ATP5F1A: variants seen among roughly 807,000 people sequenced by gnomAD.
ATP5F1A encodes the protein ATP synthase F1 subunit alpha.
In ATP5F1A, 24 loss-of-function variants were observed where a neutral mutation model predicts 57.4. The ratio of observed to expected loss-of-function variants is 0.42; its 90% CI spans 0.30 to 0.59. ATP5F1A has a LOEUF of 0.59. ATP5F1A is among the 20% of genes least tolerant of loss of function. ATP5F1A has a pLI of 0.19. For missense variants in ATP5F1A, 494 were observed against 707.9 expected, an observed-to-expected ratio of 0.70 and a Z score of 3.43; for synonymous variants, 251 against 255.5, an observed-to-expected ratio of 0.98 and a Z score of 0.17.
Position 46,083,864 on chromosome 18 carries a change from T to TA in ATP5F1A, c.*417dup, listed in dbSNP as rs991076465. The TA allele has an allele frequency of 6.5e-6, 1 of 154,018 alleles. No individual in the cohort carries two copies. Among genetic ancestry groups the TA allele is most frequent in the Non-Finnish European group, 1.4e-5 (1 of 69,854 alleles). 9.5% of individuals were successfully genotyped at this position (154,018 alleles called of 1,614,324 possible). On this transcript the variant is annotated 3_prime_UTR_variant, in exon 12 of 12. Transcript: ENST00000398752. ...AGCCAGGCGTGGTGGTGGGCACCTG[T>TA]AATCCCAGCTACGTGGGAGGCTGAG...
Position 46,080,483 on chromosome 18 carries a change from G to C in ATP5F1A, c.*3799C>G, listed in dbSNP as rs1276186452. On this transcript the variant is annotated 3_prime_UTR_variant, in exon 12 of 12. Transcript: ENST00000398752. ...ATGAGGTCTCCTATGTCATTAGTCTGTAAGTACTTAGTAAAAAGCAGTATT... is the reference window on the plus strand; with the variant it reads ...ATGAGGTCTCCTATGTCATTAGTCTCTAAGTACTTAGTAAAAAGCAGTATT... The C allele has an allele frequency of 1.3e-5, 2 of 152,218 alleles. No individual in the cohort carries two copies. The highest frequency in any genetic ancestry group is 2.9e-5 in the Non-Finnish European group (2 of 68,056). The allele number at this position is 152,218 out of a possible 1,614,324, so 9.4% of individuals were successfully genotyped here.
At chr18:46,103,398 C>T (rs557617086) in intron 1 of ATP5F1A, among the ~76,000 whole-genome samples, 2 of 150,208 alleles carry the variant, frequency 1.3e-5, no homozygotes, top group South Asian at 4.2e-4. Context: ...GTCAGGAGTT[C>T]GAGACCAAGC....
At position 46,089,456 on chromosome 18, in the gene ATP5F1A, C is replaced by T. The variant is rs146513312; in HGVS notation, c.650+110G>A. On this transcript the variant is annotated intron_variant, in intron 5 of 11. Coordinates refer to ENST00000398752, the MANE Select transcript of ATP5F1A (RefSeq NM_004046.6). The stretch of plus-strand genomic sequence containing the variant: ...CAGCTGAAATTTTACTATTAATCCT[C>T]GTATTAGATTCTAATGTCCCCATTA... 116 of 1,275,730 alleles carry T rather than the reference C, an allele frequency of 9.1e-5. No individual in the cohort carries two copies. The African/African-American group carries it at 1.5e-3, about 16-fold the overall frequency. The allele number at this position is 1,275,730 out of a possible 1,614,324, so 79.0% of individuals were successfully genotyped here.
At chr18:46,093,721 A>G (rs1410584118) in intron 2 of ATP5F1A, among the ~76,000 whole-genome samples, 2 of 151,750 alleles carry the variant, frequency 1.3e-5, no homozygotes, top group African/African-American at 4.8e-5. Context: ...CCACTAGGGA[A>G]GCTGACTCAG....
intron 1 of ATP5F1A, among the ~76,000 whole-genome samples, chr18:46,103,902 A>C (rs1009452639): frequency 1.3e-5 from 2 of 151,882 alleles, no homozygotes; most frequent in Non-Finnish European, 2.9e-5. Context: ...CGACAAAGCG[A>C]GACTCTGTCT....
intron 1 of ATP5F1A, among the ~76,000 whole-genome samples, chr18:46,095,991 C>G (rs980874982): frequency 1.3e-5 from 2 of 151,836 alleles, no homozygotes; most frequent in African/African-American, 2.4e-5. Flanking sequence ...CAGGTTCAAG[C>G]GATTCTCATG....
chr18:46,100,322 A>C (rs1911240375), upstream of ATP5F1A, among the ~76,000 whole-genome samples: 2 of 152,106 alleles, frequency 1.3e-5, no homozygotes, highest in South Asian at 4.1e-4. Flanking sequence ...GTAAAATAAA[A>C]TACAGAGACA....
chr18:46,102,470 C>T (rs905313775), upstream of ATP5F1A, among the ~76,000 whole-genome samples: 12 of 151,920 alleles, frequency 7.9e-5, no homozygotes, highest in African/African-American at 1.4e-4. Context: ...ATTACAGGCA[C>T]GTGCCACCAT....
chr18:46,091,958 A>G (rs1910586520), intron 2 of ATP5F1A, 107 bp from the exon 3 acceptor site: 4 of 1,093,680 alleles, frequency 3.7e-6, no homozygotes, highest in Non-Finnish European at 5.1e-6. Flanking sequence ...AGATCACCTA[A>G]GGGCAGGAGT....
intron 1 of ATP5F1A, chr18:46,097,954 T>C (rs747157475): frequency 2.9e-4 from 369 of 1,293,720 alleles, no homozygotes; most frequent in Non-Finnish European, 3.3e-4. Context: ...CTGGACACCA[T>C]CGAGTTAACT....
upstream of ATP5F1A, among the ~76,000 whole-genome samples, chr18:46,101,930 G>A (rs34471427): frequency 7.3e-5 from 11 of 150,982 alleles, 1 homozygote; most frequent in African/African-American, 2.2e-4. Flanking sequence ...ATCCCAGCAC[G>A]TTGGGAGGCT....
At chr18:46,093,988 T>TAGA (rs1910752540) in intron 2 of ATP5F1A, among the ~76,000 whole-genome samples, 1 of 151,582 alleles carries the variant, frequency 6.6e-6, no homozygotes, top group Non-Finnish European at 1.5e-5. Context: ...GCACCTGTAA[T>TAGA]CCCACCTACT....
At chr18:46,089,092 C>T (rs1379755856) in intron 5 of ATP5F1A, among the ~76,000 whole-genome samples, 2 of 151,874 alleles carry the variant, frequency 1.3e-5, no homozygotes, top group Non-Finnish European at 2.9e-5. Flanking sequence ...GCCACATCCC[C>T]CACACCGAGA....
chr18:46,101,015 T>G (rs1000615255), upstream of ATP5F1A, among the ~76,000 whole-genome samples: 11 of 152,228 alleles, frequency 7.2e-5, no homozygotes, highest in East Asian at 1.9e-4. Flanking sequence ...GAGGTTGCAG[T>G]GAGCCAAAAT....
chr18:46,092,118 G>A (rs747972085), intron 2 of ATP5F1A: 19 of 176,860 alleles, frequency 1.1e-4, no homozygotes, highest in Non-Finnish European at 1.8e-4. Flanking sequence ...CGGAGGTTGC[G>A]GTGAGCTGAA....
chr18:46,087,710 T>C, intron 6 of ATP5F1A: 1 of 532,512 alleles, frequency 1.9e-6, no homozygotes, highest in South Asian at 2.4e-5. Context: ...GGAAACTCCG[T>C]CTCTACTAAA....
Position 46,089,563 on chromosome 18 carries a change from T to C in ATP5F1A, c.650+3A>G, listed in dbSNP as rs1160493432. Reference sequence around the variant, plus strand: ...AACTTTTAATATGCTTTTGAGTCTTTACCCAGTCTGTCGGTCACCAATAAT... The same window carrying C: ...AACTTTTAATATGCTTTTGAGTCTTCACCCAGTCTGTCGGTCACCAATAAT... On this transcript the variant is annotated splice_donor_region_variant and intron_variant, in intron 5 of 11. Coordinates refer to ENST00000398752, the MANE Select transcript of ATP5F1A (RefSeq NM_004046.6). The C allele has an allele frequency of 1.2e-6, 2 of 1,613,432 alleles. No individual in the cohort carries two copies. Among genetic ancestry groups the C allele is most frequent in the South Asian group, 1.1e-5 (1 of 90,804 alleles).
upstream of ATP5F1A, among the ~76,000 whole-genome samples, chr18:46,102,806 G>A (rs1911317604): frequency 6.6e-6 from 1 of 152,094 alleles, no homozygotes; most frequent in Admixed American, 6.6e-5. Flanking sequence ...AAGTTAGCTG[G>A]GTGTGGTGGT....
upstream of ATP5F1A, among the ~76,000 whole-genome samples, chr18:46,101,190 A>G (rs1331800432): frequency 1.3e-5 from 2 of 151,882 alleles, no homozygotes; most frequent in Non-Finnish European, 2.9e-5. Flanking sequence ...TTTTCCCTTT[A>G]CCTCTTGACA....
Sources: allele counts gnomAD v4.1 joint callset (sites outside exome capture counted in the v4.1 genomes callset), GRCh38; gene constraint gnomAD v4.1.1; transcripts MANE v1.5; gene names NCBI Gene and HGNC (gene_info 2026-07-23, HGNC 2026-07-21).